NT5M: variants seen among roughly 807,000 people sequenced by gnomAD.
NT5M encodes 5'(3')-deoxyribonucleotidase, mitochondrial.
Under a neutral mutation model 22.2 loss-of-function variants are expected in NT5M, and 22 were observed. The ratio of observed to expected loss-of-function variants is 0.99; its 90% CI spans 0.71 to 1.41. The LOEUF (loss-of-function observed/expected upper bound fraction) is 1.41, where lower values mean the gene tolerates loss of function less well. NT5M is among the 40% of genes most tolerant of loss of function. The pLI is 0.00. For synonymous variants in NT5M, 167 were observed against 133.0 expected, an observed-to-expected ratio of 1.26 and a Z score of -1.76; for missense variants, 322 against 314.8, an observed-to-expected ratio of 1.02 and a Z score of -0.17.
intron 3 of NT5M, among the ~76,000 whole-genome samples, chr17:17,330,588 C>T (rs2049358823): frequency 6.6e-6 from 1 of 152,004 alleles, no homozygotes; most frequent in African/African-American, 2.4e-5. Context: ...ATTGGCCAGG[C>T]TGGTCTCGAA....
chr17:17,340,801 A>AG (rs771805332), intron 3 of NT5M, among the ~76,000 whole-genome samples: 4 of 152,056 alleles, frequency 2.6e-5, no homozygotes, highest in Non-Finnish European at 5.9e-5. Context: ...CTGGGATTAC[A>AG]GTGTGAGCCA....
chr17:17,335,915 A>G (rs1012162741), intron 3 of NT5M, among the ~76,000 whole-genome samples: 5 of 151,744 alleles, frequency 3.3e-5, no homozygotes, highest in African/African-American at 1.2e-4. Context: ...TACAGGCATG[A>G]GCCACCACGC....
intron 2 of NT5M, among the ~76,000 whole-genome samples, chr17:17,318,075 C>A (rs1015100864): frequency 4.6e-5 from 7 of 151,850 alleles, no homozygotes; most frequent in Non-Finnish European, 8.8e-5. Flanking sequence ...AATACTAGTA[C>A]CCGAATGTCC....
rs900616703 is a variant in NT5M, at chr17:17,303,423, C to T, written c.-128C>T. 1.2e-4 allele frequency: 114 copies of T among 985,524 alleles called. No homozygotes were observed. Among genetic ancestry groups the T allele is most frequent in the Non-Finnish European group, 1.3e-4 (109 of 827,792 alleles). 61.0% of individuals were successfully genotyped at this position (985,524 alleles called of 1,614,324 possible). On this transcript the variant is annotated 5_prime_UTR_variant, in exon 1 of 5. Coordinates refer to ENST00000389022, the MANE Select transcript of NT5M (RefSeq NM_020201.4). ...CGCACCCCGCGCTCCCCGCCCCGCT[C>T]CCCGTCCCGCGCTCCACGCGCGCCC... is the stretch of plus-strand genomic sequence containing the variant.
chr17:17,337,450 C>G (rs943727563), intron 3 of NT5M, among the ~76,000 whole-genome samples: 1 of 150,988 alleles, frequency 6.6e-6, no homozygotes, highest in African/African-American at 2.4e-5. Context: ...GTTTCTCAGA[C>G]TGGTGTACAA....
chr17:17,313,773 C>G (rs12948357), intron 2 of NT5M, among the ~76,000 whole-genome samples: 16,398 of 152,224 alleles, frequency 0.11, 1,039 homozygotes, highest in Non-Finnish European at 0.14. Flanking sequence ...CCCGGGAGGC[C>G]ACGCCATTGT....
At chr17:17,306,686 GCCACTGAGC>G in intron 2 of NT5M, 43 bp downstream of exon 2, 1 of 1,323,140 alleles carries the variant, frequency 7.6e-7, no homozygotes, top group Non-Finnish European at 1.1e-6. Context: ...TGTCTGAGCA[GCCACTGAGC>G]CCTGTACCTC....
At position 17,307,878 on chromosome 17, in the gene NT5M, GTC is replaced by G. The variant is rs1289655961; in HGVS notation, c.368+1239_368+1240del. On this transcript the variant is annotated intron_variant, in intron 2 of 4. Coordinates refer to ENST00000389022, the MANE Select transcript of NT5M (RefSeq NM_020201.4). ...GCCTCCAAAAAAAAAAAGAAACCCT[GTC>G]TCTACTAAAAATACAAACAATTAGC... is the stretch of plus-strand genomic sequence containing the variant. Among the ~76,000 whole-genome samples the G allele has an allele frequency of 2.0e-5, 3 of 151,920 alleles. No homozygotes were observed. In the East Asian group the frequency reaches 5.8e-4, roughly 29 times the overall value.
intron 2 of NT5M, among the ~76,000 whole-genome samples, chr17:17,314,225 G>T (rs922543842): frequency 2.6e-5 from 4 of 152,030 alleles, no homozygotes; most frequent in Admixed American, 6.6e-5. Context: ...AGTAAAGACG[G>T]GGTTTCACCA....
intron 2 of NT5M, among the ~76,000 whole-genome samples, chr17:17,310,223 A>G (rs1397582679): frequency 2.0e-5 from 3 of 152,198 alleles, no homozygotes; most frequent in Non-Finnish European, 4.4e-5. Context: ...AGAGACTTGT[A>G]TCTAGAATAT....
At chr17:17,317,049 G>C (rs1365835054) in intron 2 of NT5M, among the ~76,000 whole-genome samples, 1 of 81,610 alleles carries the variant, frequency 1.2e-5, no homozygotes, top group Non-Finnish European at 2.8e-5. Context: ...TTTTGTTTTT[G>C]TTTTTGTTTT....
At chr17:17,339,006 C>T (rs1002132108) in intron 3 of NT5M, among the ~76,000 whole-genome samples, 3 of 152,114 alleles carry the variant, frequency 2.0e-5, no homozygotes, top group East Asian at 3.8e-4. Flanking sequence ...GGATTACAGG[C>T]GTGAGCCACC....
intron 2 of NT5M, among the ~76,000 whole-genome samples, chr17:17,310,869 A>C (rs531761111): frequency 7.4e-4 from 113 of 152,100 alleles, no homozygotes; most frequent in African/African-American, 2.7e-3. Flanking sequence ...CTAAAAAGAA[A>C]AAGATTCGGC....
chr17:17,337,925 G>A (rs9908124), intron 3 of NT5M, among the ~76,000 whole-genome samples: 36,826 of 151,974 alleles, frequency 0.24, 4,899 homozygotes, highest in African/African-American at 0.35. Context: ...CCATTTGTCC[G>A]TGTTTGCTTT....
At chr17:17,312,779 C>A (rs993203040) in intron 2 of NT5M, among the ~76,000 whole-genome samples, 1 of 151,104 alleles carries the variant, frequency 6.6e-6, no homozygotes, top group Non-Finnish European at 1.5e-5. Flanking sequence ...GGCAACACAG[C>A]AAGCTCCTGT....
intron 3 of NT5M, among the ~76,000 whole-genome samples, chr17:17,341,054 CCTTCATTT>C (rs1264390341): frequency 6.6e-6 from 1 of 151,986 alleles, no homozygotes; most frequent in Non-Finnish European, 1.5e-5. Flanking sequence ...TTTTCAATTT[CCTTCATTT>C]CTTCATTGAC....
intron 2 of NT5M, among the ~76,000 whole-genome samples, chr17:17,316,666 G>A (rs908389853): frequency 6.6e-6 from 1 of 151,854 alleles, no homozygotes; most frequent in African/African-American, 2.4e-5. Context: ...GTGAGCCACC[G>A]TGCCCAGCCA....
intron 2 of NT5M, among the ~76,000 whole-genome samples, chr17:17,321,120 C>T (rs561832428): frequency 5.9e-5 from 9 of 151,262 alleles, no homozygotes; most frequent in South Asian, 2.1e-4. Flanking sequence ...TGCCAGCACA[C>T]GTTTGAATGA....
intron 3 of NT5M, among the ~76,000 whole-genome samples, chr17:17,327,786 A>G (rs1168239988): frequency 9.5e-6 from 1 of 105,762 alleles, no homozygotes; most frequent in African/African-American, 3.3e-5. Flanking sequence ...AAATGCTGGG[A>G]TTACAGGCGT....
Sources: allele counts gnomAD v4.1 joint callset (sites outside exome capture counted in the v4.1 genomes callset), GRCh38; gene constraint gnomAD v4.1.1; transcripts MANE v1.5; gene names NCBI Gene and HGNC (gene_info 2026-07-23, HGNC 2026-07-21).